PCNX3: variants seen among roughly 807,000 people sequenced by gnomAD.
The protein encoded by PCNX3 is pecanex-like protein 3.
Under a neutral mutation model 207.2 loss-of-function variants are expected in PCNX3, and 58 were observed. The observed-to-expected ratio is 0.28, with a 90% CI of 0.23 to 0.35. PCNX3 has a LOEUF of 0.35. PCNX3 is among the 10% of genes least tolerant of loss of function. The probability of loss-of-function intolerance (pLI) is 1.00; values close to 1 mark genes in which losing one functional copy is unlikely to be tolerated. For missense variants in PCNX3, 2,410 were observed against 2,774.4 expected (o/e 0.87, Z 2.95); for synonymous variants, 1,337 against 1,183.5 (o/e 1.13, Z -2.66).
At position 65,622,323 on chromosome 11, in the gene PCNX3, T is replaced by G; in HGVS notation, c.2314T>G (p.Ser772Ala). The G allele has an allele frequency of 6.3e-7, 1 of 1,597,344 alleles. No individual in the cohort carries two copies. The highest frequency in any genetic ancestry group is 8.5e-7 in the Non-Finnish European group (1 of 1,172,762). The stretch of plus-strand genomic sequence containing the variant: ...CTGGCTTCTCCCTGGCCGCTGGACC[T>G]CTGTGCGCTATGAGCGGCTTGCCCT... ...KYWLLPGRWT[S>A]VRYERLALLA... Residue 772 changes from serine (S) to alanine (A), a missense_variant, in exon 11 of 35, where the codon TCT becomes GCT. Around this residue, in one of 8 missense-constraint regions of PCNX3, gnomAD observed 177 missense variants for 257.5 expected, o/e 0.69. Coordinates refer to ENST00000355703, the MANE Select transcript of PCNX3 (RefSeq NM_032223.4).
At position 65,634,584 on chromosome 11, in the gene PCNX3, G is replaced by C. The variant is rs1277769419; in HGVS notation, c.4748G>C (p.Gly1583Ala). 6.2e-7 allele frequency: 1 copy of C among 1,605,204 alleles called. No individual in the cohort carries two copies. The highest frequency in any genetic ancestry group is 2.2e-5 in the East Asian group (1 of 44,818). The part of the protein sequence containing the change: ...WNSPLVTLCF[G>A]LCVLGRRALG... ...TCCCCGCTGGTCACGCTGTGTTTTG[G>C]CCTGTGTGTGCTGGGCCGCCGGGCC... The change falls in exon 29 of 35, where the codon GGC (glycine) becomes GCC (alanine). Residue 1583 changes from glycine (G) to alanine (A), a missense_variant. Coordinates refer to ENST00000355703, the MANE Select transcript of PCNX3 (RefSeq NM_032223.4).
chr11:65,622,280 C>T lies in PCNX3; in HGVS notation c.2271C>T (p.Ala757=), dbSNP rs1855148562. The T allele has an allele frequency of 6.2e-7, 1 of 1,601,686 alleles. No individual in the cohort carries two copies. The highest frequency in any genetic ancestry group is 8.5e-7 in the Non-Finnish European group (1 of 1,174,766). The change falls in exon 11 of 35, where the codon GCC becomes GCT. Residue 757 remains alanine (A), a synonymous_variant. Transcript: ENST00000355703. ...TGATGGAAGAAGCGCCACCCCGGGC[C>T]CAGCATAGTTACAAGTACTGGCTTC... ...QTLMEEAPPR[A]QHSYKYWLLP...
chr11:65,634,708 G>A, intron 29 of PCNX3, 67 bp downstream of exon 29: 2 of 1,430,620 alleles, frequency 1.4e-6, no homozygotes, highest in Admixed American at 2.1e-5. Context: ...GAAGAGCACT[G>A]TGGTCTCTGG....
rs372884793 is a variant in PCNX3, at chr11:65,636,217, G to T, written c.5503G>T (p.Val1835Leu). Residue 1835 changes from valine to leucine, a missense_variant, in exon 33 of 35, where the codon GTG (valine) becomes TTG (leucine). Val to Leu is a conservative substitution (Grantham distance 32). Around this residue, in one of 8 missense-constraint regions of PCNX3, gnomAD observed 59 missense variants for 83.9 expected, o/e 0.70. Transcript: ENST00000355703. ...CGCCGGCTGCAATAGTGGCGGGAAC[G>T]TGGATGATTCAGACTGTAGTGGGGG... is the stretch of plus-strand genomic sequence containing the variant. ...CGAGCNSGGN[V>L]DDSDCSGGGG... 6.3e-7 allele frequency: 1 copy of T among 1,580,446 alleles called. No individual in the cohort carries two copies.
At position 65,625,371 on chromosome 11, in the gene PCNX3, G is replaced by A. The variant is rs1855330025; in HGVS notation, c.3030-34G>A. ...CGTGACTGGGGCCGGGGGGAAGGAGGGGCGGCCTCCTCCTGACTCTTCCTC... is the reference window on the plus strand; with the variant it reads ...CGTGACTGGGGCCGGGGGGAAGGAGAGGCGGCCTCCTCCTGACTCTTCCTC... On this transcript the variant is annotated intron_variant, in intron 17 of 34. Transcript: ENST00000355703. This position sits in a 1 kb window ranked among gnomAD's most constrained non-coding sequence, Gnocchi z 5.6. 1.3e-6 allele frequency: 2 copies of A among 1,596,316 alleles called. No individual in the cohort carries two copies. The highest frequency in any genetic ancestry group is 1.7e-6 in the Non-Finnish European group (2 of 1,174,170).
rs1257676381 is a variant in PCNX3, at chr11:65,618,168, G to GACGGGAACA, written c.810_818dup (p.Glu271_Arg273dup). ...CGGGCCCTGGTGAGGACCAGCAGTCGACGGGAACAACGCAGGGGGGCAGGT... is the reference window on the plus strand; with the variant it reads ...CGGGCCCTGGTGAGGACCAGCAGTCGACGGGAACAACGGGAACAACGCAGGGGGGCAGGT... On this transcript the variant is annotated inframe_insertion, in exon 6 of 35. Coordinates refer to ENST00000355703, the MANE Select transcript of PCNX3 (RefSeq NM_032223.4). The GACGGGAACA allele has an allele frequency of 6.2e-7, 1 of 1,606,856 alleles. No homozygotes were observed. Among genetic ancestry groups the GACGGGAACA allele is most frequent in the Non-Finnish European group, 8.5e-7 (1 of 1,175,734 alleles).
chr11:65,620,584 T>A (rs550631744), intron 9 of PCNX3, among the ~76,000 whole-genome samples, 155 bp downstream of exon 9: 1 of 152,102 alleles, frequency 6.6e-6, no homozygotes, highest in Non-Finnish European at 1.5e-5. Context: ...AGGACAGACC[T>A]CCTGGGGTCC....
chr11:65,627,621 A>G lies in PCNX3; in HGVS notation c.3702+39A>G, dbSNP rs768559414. On this transcript the variant is annotated intron_variant, in intron 22 of 34. Transcript: ENST00000355703. ...TGTGGCCCAGACCCCAGGCTGTCCA[A>G]TGGGAGCAGAGCCAACTTCTGCCTG... 117 of 1,603,278 alleles carry G rather than the reference A, an allele frequency of 7.3e-5. 2 individuals are homozygous for G. The South Asian group carries it at 8.8e-4, about 12-fold the overall frequency.
rs1854959921 is a variant in PCNX3 at position 65,619,529 on chromosome 11, C to T, written c.1706-8C>T. 3 of 1,611,190 alleles carry T rather than the reference C, an allele frequency of 1.9e-6. No individual in the cohort carries two copies. Among genetic ancestry groups the T allele is most frequent in the South Asian group, 1.1e-5 (1 of 90,996 alleles). On this transcript the variant is annotated splice_polypyrimidine_tract_variant and splice_region_variant and intron_variant, in intron 6 of 34. Coordinates refer to ENST00000355703, the MANE Select transcript of PCNX3 (RefSeq NM_032223.4). ...GTCACTTACACTTGGGGGCCTCTCTCTGGGCAGCGGCCGAGGAGACTGGCA... is the reference window on the plus strand; with the variant it reads ...GTCACTTACACTTGGGGGCCTCTCTTTGGGCAGCGGCCGAGGAGACTGGCA...
At chr11:65,619,701 G>A (rs748860974) in intron 7 of PCNX3, 41 bp downstream of exon 7, 12 of 1,569,082 alleles carry the variant, frequency 7.6e-6, no homozygotes, top group South Asian at 4.6e-5. Context: ...ACCGGGGGCC[G>A]GGGAGGGCCC....
At chr11:65,626,194 C>A in intron 20 of PCNX3, 140 bp downstream of exon 20, 1 of 1,197,526 alleles carries the variant, frequency 8.4e-7, no homozygotes, top group Non-Finnish European at 1.2e-6. Flanking sequence ...TCCCTCCCTG[C>A]CCTCTGTGTC....
In PCNX3 at chr11:65,629,386, G is replaced by T. The variant is rs1167960566; in HGVS notation, c.3971G>T (p.Arg1324Leu). ...AAACGTGTGGATCATTCCAACACCC[G>T]CCTGGTCACACAGCTGGACAGGAAC... Reference protein sequence around the residue: ...NTKRVDHSNTRLVTQLDRNPG... With the variant: ...NTKRVDHSNTLLVTQLDRNPG... The change falls in exon 25 of 35, where the codon CGC (arginine) becomes CTC (leucine). Residue 1324 changes from arginine to leucine, a missense_variant. By Grantham distance (102) the Arg-to-Leu change is moderately radical. Coordinates refer to ENST00000355703, the MANE Select transcript of PCNX3 (RefSeq NM_032223.4). 2 of 1,611,732 alleles carry T rather than the reference G, an allele frequency of 1.2e-6. No homozygotes were observed. Among genetic ancestry groups the T allele is most frequent in the Admixed American group, 1.7e-5 (1 of 59,746 alleles).
intron 27 of PCNX3, among the ~76,000 whole-genome samples, chr11:65,633,542 C>T (rs1028137786): frequency 2.6e-5 from 4 of 152,220 alleles, no homozygotes; most frequent in Non-Finnish European, 5.9e-5. Context: ...ACTCGCTCCC[C>T]GCCCCCTGCC....
At chr11:65,617,734 TGTGGGCTAGAC>T in intron 5 of PCNX3, 28 bp downstream of exon 5, 2 of 1,549,300 alleles carry the variant, frequency 1.3e-6, no homozygotes, top group Non-Finnish European at 1.7e-6. Context: ...GGCCGAGGCT[TGTGGGCTAGAC>T]CAGCTGTTTC....
rs926164019 is a variant in PCNX3 at position 65,619,841 on chromosome 11, G to A, written c.1917G>A (p.Leu639=). The A allele has an allele frequency of 7.5e-6, 12 of 1,608,324 alleles. No homozygotes were observed. The highest frequency in any genetic ancestry group is 1.1e-5 in the South Asian group (1 of 90,656). The change falls in exon 8 of 35, where the codon CTG becomes CTA. Residue 639 remains leucine (L), a synonymous_variant. Transcript: ENST00000355703. ...CTGCGCTGCATTTCGCCTCTTCACTGTTGCTCACCCGGGCCGGTGCCAATG... is the reference window on the plus strand; with the variant it reads ...CTGCGCTGCATTTCGCCTCTTCACTATTGCTCACCCGGGCCGGTGCCAATG... ...LPSALHFASS[L]LLTRAGANVH...
intron 6 of PCNX3, 72 bp downstream of exon 6, chr11:65,619,139 A>G (rs1237740108): frequency 4.8e-6 from 6 of 1,244,852 alleles, no homozygotes; most frequent in Non-Finnish European, 6.7e-6. Context: ...AAGGGCAGGT[A>G]AGAATGGACC....
At position 65,619,814 on chromosome 11, in the gene PCNX3, C is replaced by T. The variant is rs781604191; in HGVS notation, c.1890C>T (p.Pro630=). The T allele has an allele frequency of 1.0e-5, 16 of 1,599,848 alleles. No homozygotes were observed. Among genetic ancestry groups the T allele is most frequent in the East Asian group, 2.2e-5 (1 of 44,614 alleles). The change falls in exon 8 of 35, where the codon CCC becomes CCT. Residue 630 remains proline (P), a synonymous_variant. Coordinates refer to ENST00000355703, the MANE Select transcript of PCNX3 (RefSeq NM_032223.4). The part of the protein sequence containing the change: ...AASHSRALTL[P]SALHFASSLL... Reference sequence around the variant, plus strand: ...CCCACTCCCGGGCGCTGACGCTGCCCTCTGCGCTGCATTTCGCCTCTTCAC... The same window carrying T: ...CCCACTCCCGGGCGCTGACGCTGCCTTCTGCGCTGCATTTCGCCTCTTCAC...
chr11:65,621,115 C>A, intron 10 of PCNX3, 149 bp downstream of exon 10: 1 of 1,097,084 alleles, frequency 9.1e-7, no homozygotes, highest in Non-Finnish European at 1.3e-6. Flanking sequence ...CTGTGTCTGT[C>A]CTGATCTTTG....
In PCNX3 at chr11:65,617,216, T is replaced by C. The variant is rs1464647882; in HGVS notation, c.342-34T>C. ...GGAAGTAGCATACACAGAGGAGAGG[T>C]TAGCTCAAAGCTGCTGCTCTTTTTC... On this transcript the variant is annotated intron_variant, in intron 2 of 34. Transcript: ENST00000355703. The C allele has an allele frequency of 2.6e-6, 4 of 1,557,980 alleles. No individual in the cohort carries two copies. The South Asian group carries it at 4.7e-5, about 18-fold the overall frequency.
Sources: gnomAD v4.1 joint callset for allele counts (sites outside exome capture counted in the v4.1 genomes callset) on GRCh38, gnomAD v4.1.1 for gene constraint, gnomAD v4.1.1 regional missense constraint, Gnocchi (gnomAD v3.1) non-coding constraint, MANE v1.5 for transcripts, NCBI Gene and HGNC (gene_info 2026-07-23, HGNC 2026-07-21) for gene names.